NHSL3: variants seen among roughly 807,000 people sequenced by gnomAD.
NHSL3 encodes the protein NHS-like protein 3.
At chr1:32,763,697 G>C in the NHSL3 span, among the ~76,000 whole-genome samples, 16 of 151,854 alleles carry the variant, frequency 1.1e-4, no homozygotes, top group African/African-American at 3.4e-4. Flanking sequence ...TCAGCCTCCC[G>C]AGTAGCTGGA....
chr1:32,756,181 T>G, the NHSL3 span, among the ~76,000 whole-genome samples: 1 of 152,190 alleles, frequency 6.6e-6, no homozygotes, highest in African/African-American at 2.4e-5. Flanking sequence ...TAGGAAATAT[T>G]CTAGGCAATA....
chr1:32,769,766 A>G, the NHSL3 span: 7 of 1,613,224 alleles, frequency 4.3e-6, no homozygotes, highest in Admixed American at 1.7e-5. Flanking sequence ...GGACTCCCGC[A>G]GCATGTGCAG....
chr1:32,746,271 A>C, the NHSL3 span, among the ~76,000 whole-genome samples: 1 of 152,094 alleles, frequency 6.6e-6, no homozygotes, highest in South Asian at 2.1e-4. Context: ...GTTAAAAAAA[A>C]CAAAAACAAA....
chr1:32,767,867 G>C, the NHSL3 span: 1 of 1,614,026 alleles, frequency 6.2e-7, no homozygotes, highest in Non-Finnish European at 8.5e-7. Flanking sequence ...TGAGCACCAG[G>C]ACAACGTCTT....
At chr1:32,771,635 C>A in the NHSL3 span, 9 of 1,612,960 alleles carry the variant, frequency 5.6e-6, no homozygotes, top group East Asian at 2.0e-4. Context: ...GCTGCTTCGT[C>A]CTCCTCAGCT....
the NHSL3 span, chr1:32,768,049 T>C: frequency 6.2e-7 from 1 of 1,613,938 alleles, no homozygotes. Flanking sequence ...CAGACCCTTC[T>C]GGTGTCTTCC....
the NHSL3 span, among the ~76,000 whole-genome samples, chr1:32,762,259 G>A: frequency 6.6e-6 from 1 of 152,098 alleles, no homozygotes; most frequent in African/African-American, 2.4e-5. Flanking sequence ...GGGGGGTCGT[G>A]TTGCTTGGGA....
At chr1:32,770,822 C>G in the NHSL3 span, 1 of 1,601,820 alleles carries the variant, frequency 6.2e-7, no homozygotes, top group African/African-American at 1.3e-5. The surrounding 1 kb of genome is among the most constrained non-coding windows in gnomAD (Gnocchi z 8.3). Context: ...GCGGGGGCAG[C>G]ACCCTGTCCA....
chr1:32,765,323 C>CTCTTTCCCCA, the NHSL3 span, among the ~76,000 whole-genome samples: 4 of 152,196 alleles, frequency 2.6e-5, no homozygotes, highest in Non-Finnish European at 4.4e-5. Context: ...CAGGGAATTA[C>CTCTTTCCCCA]GCTAGGCAGC....
At chr1:32,771,620 C>A in the NHSL3 span, 3 of 1,613,138 alleles carry the variant, frequency 1.9e-6, no homozygotes, top group Non-Finnish European at 2.5e-6. Flanking sequence ...CTTGTCAGCT[C>A]CCCGGCTGCT....
At chr1:32,763,960 A>G in the NHSL3 span, among the ~76,000 whole-genome samples, 1 of 152,148 alleles carries the variant, frequency 6.6e-6, no homozygotes, top group Non-Finnish European at 1.5e-5. Flanking sequence ...TCCCAGGCTC[A>G]AGCAATCCTC....
chr1:32,749,887 A>G, the NHSL3 span, among the ~76,000 whole-genome samples: 1 of 152,084 alleles, frequency 6.6e-6, no homozygotes, highest in Non-Finnish European at 1.5e-5. Flanking sequence ...TGTGGTGGCC[A>G]AGCCCTGTGA....
At chr1:32,769,632 T>TCC in the NHSL3 span, 1 of 1,459,242 alleles carries the variant, frequency 6.9e-7, no homozygotes, top group Non-Finnish European at 9.5e-7. Flanking sequence ...GTGCCTGGAG[T>TCC]CCTTTGCTCT....
the NHSL3 span, among the ~76,000 whole-genome samples, chr1:32,743,148 C>T: frequency 6.6e-6 from 1 of 152,304 alleles, no homozygotes; most frequent in African/African-American, 2.4e-5. Context: ...GAGGGTGGAG[C>T]TCCCTTGGGG....
At chr1:32,767,122 T>A in the NHSL3 span, among the ~76,000 whole-genome samples, 1 of 152,178 alleles carries the variant, frequency 6.6e-6, no homozygotes, top group Non-Finnish European at 1.5e-5. Flanking sequence ...TGGTTGTAAC[T>A]CATGCCAGCT....
chr1:32,752,337 T>C, the NHSL3 span, among the ~76,000 whole-genome samples: 1 of 151,984 alleles, frequency 6.6e-6, no homozygotes, highest in Non-Finnish European at 1.5e-5. Flanking sequence ...GGTAGCACGG[T>C]ATAGTGGAGG....
chr1:32,763,665 G>A, the NHSL3 span, among the ~76,000 whole-genome samples: 16 of 152,110 alleles, frequency 1.1e-4, 1 homozygote, highest in South Asian at 3.1e-3. Context: ...TCTGCCTCCC[G>A]GGTTCAAGCG....
At chr1:32,773,243 A>T in the NHSL3 span, 1 of 351,100 alleles carries the variant, frequency 2.8e-6, no homozygotes, top group Non-Finnish European at 5.4e-6. Flanking sequence ...ATTTTTTTTC[A>T]TGTCCAAACC....
chr1:32,773,130 C>T, the NHSL3 span: 3 of 569,700 alleles, frequency 5.3e-6, no homozygotes, highest in Admixed American at 3.0e-5. Context: ...CAGTCTTGGC[C>T]TTAGCCTCAT....
Sources: allele counts gnomAD v4.1 joint callset (sites outside exome capture counted in the v4.1 genomes callset), GRCh38; gene constraint gnomAD v4.1.1; non-coding constraint Gnocchi (gnomAD v3.1); transcripts MANE v1.5; gene names NCBI Gene and HGNC (gene_info 2026-07-23, HGNC 2026-07-21).